Variants in FHIT observed in about 807,000 individuals in gnomAD.
FHIT encodes fragile histidine triad diadenosine triphosphatase.
FHIT carries 19 observed loss-of-function variants against 17.9 expected under a neutral mutation model. The ratio of observed to expected loss-of-function variants is 1.06; its 90% confidence interval spans 0.74 to 1.56. The LOEUF is 1.56. Among genes scored for constraint, FHIT ranks in the 40% most tolerant of loss-of-function variants. The probability of loss-of-function intolerance (pLI) is 0.00; values close to 1 mark genes in which losing one functional copy is unlikely to be tolerated. For synonymous variants in FHIT, 81 were observed against 69.7 expected (o/e 1.16, Z -0.81); for missense variants, 248 against 189.2 (o/e 1.31, Z -1.82).
At chr3:60,620,809 A>G (rs2039102568) in intron 4 of FHIT, among the ~76,000 whole-genome samples, 1 of 152,160 alleles carries the variant, frequency 6.6e-6, no homozygotes, top group South Asian at 2.1e-4. Context: ...GACTTGGTTA[A>G]TAATAGTGTA....
intron 5 of FHIT, among the ~76,000 whole-genome samples, chr3:60,410,168 A>G (rs1227343606): frequency 1.3e-5 from 2 of 152,224 alleles, no homozygotes; most frequent in Non-Finnish European, 2.9e-5. Flanking sequence ...GGCTGCATCT[A>G]GAGAGAGGCA....
At chr3:59,921,948 CAA>C (rs1429004557) in intron 8 of FHIT, among the ~76,000 whole-genome samples, 2 of 152,084 alleles carry the variant, frequency 1.3e-5, no homozygotes, top group African/African-American at 2.4e-5. Context: ...AGCTGAGTTC[CAA>C]AGTGTTTTAA....
At chr3:59,808,097 C>T (rs947981641) in intron 8 of FHIT, among the ~76,000 whole-genome samples, 1 of 152,126 alleles carries the variant, frequency 6.6e-6, no homozygotes, top group Non-Finnish European at 1.5e-5. Context: ...TCCCCTACCC[C>T]CCCAGTCCCT....
intron 4 of FHIT, among the ~76,000 whole-genome samples, chr3:60,680,005 T>C (rs1238817088): frequency 6.6e-6 from 1 of 152,212 alleles, no homozygotes; most frequent in Non-Finnish European, 1.5e-5. Flanking sequence ...ATGTATTAGC[T>C]ATTGGTGAAC....
At chr3:60,020,105 G>A (rs1327610267) in intron 5 of FHIT, among the ~76,000 whole-genome samples, 2 of 152,148 alleles carry the variant, frequency 1.3e-5, no homozygotes, top group Non-Finnish European at 2.9e-5. Context: ...AACTGCAAAG[G>A]ACTGGTGGAG....
chr3:60,841,801 A>G (rs782127708), intron 3 of FHIT, among the ~76,000 whole-genome samples: 2 of 152,242 alleles, frequency 1.3e-5, no homozygotes, highest in African/African-American at 2.4e-5. Flanking sequence ...AAAGTTCCTC[A>G]ATTTAAAAAA....
At chr3:60,741,386 G>A (rs941151173) in intron 4 of FHIT, among the ~76,000 whole-genome samples, 10 of 152,182 alleles carry the variant, frequency 6.6e-5, no homozygotes, top group Non-Finnish European at 1.2e-4. Context: ...CTGTCAGCAC[G>A]TTGCCTGATC....
chr3:60,910,598 G>C (rs1313139361), intron 3 of FHIT, among the ~76,000 whole-genome samples: 1 of 152,068 alleles, frequency 6.6e-6, no homozygotes, highest in Non-Finnish European at 1.5e-5. Context: ...TTTTTTAGCA[G>C]AGACGGGGTT....
intron 4 of FHIT, among the ~76,000 whole-genome samples, chr3:60,706,494 G>T (rs747445824): frequency 1.3e-5 from 2 of 152,120 alleles, no homozygotes; most frequent in East Asian, 3.9e-4. Context: ...ATCATATCAG[G>T]GTTAGAGGAC....
chr3:60,603,153 C>G (rs1266684890), intron 4 of FHIT, among the ~76,000 whole-genome samples: 4 of 152,080 alleles, frequency 2.6e-5, no homozygotes. Flanking sequence ...TGAATAACAT[C>G]TAAAATTGGT....
intron 2 of FHIT, among the ~76,000 whole-genome samples, chr3:61,195,738 C>T (rs1362681060): frequency 2.0e-5 from 3 of 152,102 alleles, no homozygotes; most frequent in Admixed American, 2.0e-4. Flanking sequence ...GGTGTCTTCT[C>T]CCAGTTCTAA....
intron 5 of FHIT, among the ~76,000 whole-genome samples, chr3:60,197,477 G>T (rs1467158732): frequency 6.6e-6 from 1 of 152,164 alleles, no homozygotes; most frequent in Non-Finnish European, 1.5e-5. Context: ...TTAAAACAAT[G>T]CCAAAGCAGT....
chr3:60,461,576 A>G (rs1013691057), intron 5 of FHIT, among the ~76,000 whole-genome samples: 7 of 152,230 alleles, frequency 4.6e-5, no homozygotes, highest in African/African-American at 1.7e-4. Context: ...AACGCTGTAC[A>G]GACAACGCAG....
At chr3:60,230,797 C>T (rs932755092) in intron 5 of FHIT, among the ~76,000 whole-genome samples, 1 of 152,188 alleles carries the variant, frequency 6.6e-6, no homozygotes, top group African/African-American at 2.4e-5. Flanking sequence ...TATGACCTCC[C>T]CATCCTGGGT....
intron 4 of FHIT, among the ~76,000 whole-genome samples, chr3:60,744,731 A>G (rs1289500936): frequency 1.3e-5 from 2 of 151,990 alleles, no homozygotes; most frequent in African/African-American, 4.8e-5. Flanking sequence ...ATCTGAATAC[A>G]TTTTCTCTGT....
chr3:59,872,913 A>T (rs1702987937), intron 8 of FHIT, among the ~76,000 whole-genome samples: 1 of 152,140 alleles, frequency 6.6e-6, no homozygotes, highest in Non-Finnish European at 1.5e-5. Flanking sequence ...TGACATATCA[A>T]TTTTCCCATG....
At chr3:60,446,799 G>A (rs1039052492) in intron 5 of FHIT, among the ~76,000 whole-genome samples, 7 of 151,418 alleles carry the variant, frequency 4.6e-5, no homozygotes, top group African/African-American at 1.7e-4. Flanking sequence ...GTTGCAGTGA[G>A]CTATGATCAT....
At chr3:60,048,427 C>T (rs1301202406) in intron 5 of FHIT, among the ~76,000 whole-genome samples, 1 of 152,156 alleles carries the variant, frequency 6.6e-6, no homozygotes, top group African/African-American at 2.4e-5. Flanking sequence ...CCACCTGCCT[C>T]GGCCTCCCAG....
chr3:60,669,715 G>T (rs9819311), intron 4 of FHIT, among the ~76,000 whole-genome samples: 5,765 of 152,260 alleles, frequency 0.038, 384 homozygotes, highest in African/African-American at 0.13. Flanking sequence ...ACTGAAGATT[G>T]CATGTGAGAG....
Sources: allele counts gnomAD v4.1 joint callset (sites outside exome capture counted in the v4.1 genomes callset), GRCh38; gene constraint gnomAD v4.1.1; transcripts MANE v1.5; gene names NCBI Gene and HGNC (gene_info 2026-07-23, HGNC 2026-07-21).